Variants in TENM3 observed in about 807,000 individuals in gnomAD.
The protein encoded by TENM3 is teneurin transmembrane protein 3.
A neutral mutation model predicts 255.1 loss-of-function variants in TENM3; 63 were observed. That is an observed-to-expected ratio of 0.25 (90% CI 0.20 to 0.30). The LOEUF (loss-of-function observed/expected upper bound fraction) is 0.30, where lower values mean the gene tolerates loss of function less well. Ranked by LOEUF, TENM3 falls within the 10% of genes least tolerant of loss-of-function variation. The pLI is 1.00. For synonymous variants in TENM3, 1,306 were observed against 1,322.3 expected, an observed-to-expected ratio of 0.99 and a Z score of 0.27; for missense variants, 2,929 against 3,461.1, an observed-to-expected ratio of 0.85 and a Z score of 3.86.
intron 1 of TENM3, among the ~76,000 whole-genome samples, chr4:182,271,488 CA>C (rs1272516581): frequency 6.6e-6 from 1 of 152,110 alleles, no homozygotes; most frequent in African/African-American, 2.4e-5. Context: ...TCCAGTTGTG[CA>C]TTTCAATTCT....
chr4:181,565,741 G>A, the TENM3 span, among the ~76,000 whole-genome samples: 1 of 152,146 alleles, frequency 6.6e-6, no homozygotes, highest in African/African-American at 2.4e-5. Flanking sequence ...ATGATTTCAT[G>A]CTAGAGAATT....
Position 182,410,027 on chromosome 4 carries a change from G to A in TENM3, c.511+63098G>A, listed in dbSNP as rs564727842. Among the ~76,000 whole-genome samples, 27 of 152,000 alleles carry A rather than the reference G, an allele frequency of 1.8e-4. 1 individual carries two copies. The highest frequency in any genetic ancestry group is 4.2e-4 in the South Asian group (2 of 4,816). On this transcript the variant is annotated intron_variant, in intron 3 of 27. Transcript: ENST00000511685. ...TTTCTGGTAGAGAAGGGGTTTCACC[G>A]TGTTGCTCAGGCTGGTCTTGAACTC...
chr4:182,287,865 C>A (rs1561283235), intron 1 of TENM3, among the ~76,000 whole-genome samples: 1 of 152,182 alleles, frequency 6.6e-6, no homozygotes, highest in East Asian at 1.9e-4. Flanking sequence ...GATCCGCCCA[C>A]CTCACCCTCC....
chr4:181,572,084 C>T, the TENM3 span, among the ~76,000 whole-genome samples: 1 of 152,144 alleles, frequency 6.6e-6, no homozygotes, highest in Non-Finnish European at 1.5e-5. Flanking sequence ...ATAGATTAAC[C>T]ACTGTTCTGA....
chr4:182,701,886 T>C (rs1757906803), intron 12 of TENM3, among the ~76,000 whole-genome samples: 1 of 152,246 alleles, frequency 6.6e-6, no homozygotes, highest in Non-Finnish European at 1.5e-5. Context: ...TAGCAATATA[T>C]ATCCTGTCTG....
At chr4:182,634,146 C>T (rs1480036405) in intron 5 of TENM3, among the ~76,000 whole-genome samples, 2 of 152,168 alleles carry the variant, frequency 1.3e-5, no homozygotes, top group African/African-American at 4.8e-5. Context: ...TGTTCTGTTT[C>T]CACACTGTCC....
the TENM3 span, among the ~76,000 whole-genome samples, chr4:181,902,805 C>T: frequency 6.6e-6 from 1 of 151,978 alleles, no homozygotes; most frequent in Non-Finnish European, 1.5e-5. Context: ...AAGATAAATA[C>T]CTAATGGGTG....
chr4:181,855,365 G>T, the TENM3 span, among the ~76,000 whole-genome samples: 3 of 152,250 alleles, frequency 2.0e-5, no homozygotes, highest in East Asian at 5.8e-4. Context: ...TTTAAGATTG[G>T]CATGTACTTC....
At chr4:182,437,497 A>G (rs1020224725) in intron 3 of TENM3, among the ~76,000 whole-genome samples, 1 of 152,012 alleles carries the variant, frequency 6.6e-6, no homozygotes, top group African/African-American at 2.4e-5. Context: ...AAAAATACAA[A>G]AAAAATAGCT....
At chr4:182,752,146 C>T (rs1179106054) in intron 20 of TENM3, 114 bp downstream of exon 20, 2 of 681,846 alleles carry the variant, frequency 2.9e-6, no homozygotes, top group South Asian at 4.7e-5. Context: ...AACTTTTTAC[C>T]TTTGACAGTG....
chr4:182,674,611 C>T (rs893563795), intron 7 of TENM3, among the ~76,000 whole-genome samples: 13 of 151,998 alleles, frequency 8.6e-5, no homozygotes, highest in Non-Finnish European at 1.8e-4. Flanking sequence ...GGTCTCACTC[C>T]GTCTTCCAGG....
At chr4:182,093,335 C>T in the TENM3 span, among the ~76,000 whole-genome samples, 2 of 152,058 alleles carry the variant, frequency 1.3e-5, no homozygotes, top group Admixed American at 1.3e-4. Flanking sequence ...GTGGCAGGAG[C>T]AGTACAGTTT....
the TENM3 span, among the ~76,000 whole-genome samples, chr4:181,631,116 G>A: frequency 6.6e-6 from 1 of 152,072 alleles, no homozygotes; most frequent in Non-Finnish European, 1.5e-5. Context: ...CCCCCAGATT[G>A]TTGGCAGAGT....
the TENM3 span, among the ~76,000 whole-genome samples, chr4:181,769,466 T>C: frequency 5.3e-5 from 8 of 152,224 alleles, no homozygotes; most frequent in African/African-American, 1.9e-4. Context: ...TAATGGCTCC[T>C]CCTCATTGGG....
chr4:181,514,816 A>G, the TENM3 span, among the ~76,000 whole-genome samples: 1 of 152,224 alleles, frequency 6.6e-6, no homozygotes, highest in Non-Finnish European at 1.5e-5. Flanking sequence ...GAGGCGTGGT[A>G]GCCACTCGGG....
intron 6 of TENM3, among the ~76,000 whole-genome samples, chr4:182,667,852 G>C (rs1390829843): frequency 6.6e-6 from 1 of 151,926 alleles, no homozygotes; most frequent in African/African-American, 2.4e-5. Context: ...TAATGTAAAT[G>C]ATGAGTTAAT....
At chr4:181,560,409 T>A in the TENM3 span, among the ~76,000 whole-genome samples, 26,588 of 152,206 alleles carry the variant, frequency 0.17, 2,878 homozygotes, top group African/African-American at 0.28. Flanking sequence ...GGTATTGGGC[T>A]ACCATTCATT....
the TENM3 span, among the ~76,000 whole-genome samples, chr4:181,771,009 C>T: frequency 2.0e-5 from 3 of 152,264 alleles, no homozygotes; most frequent in Admixed American, 2.0e-4. Flanking sequence ...GAAACTTGGC[C>T]AAGACTGCAG....
intron 3 of TENM3, among the ~76,000 whole-genome samples, chr4:182,533,110 T>C (rs187714489): frequency 3.8e-4 from 58 of 152,356 alleles, no homozygotes; most frequent in Non-Finnish European, 6.0e-4. Flanking sequence ...AGGTAAACTT[T>C]CATGTGGGCA....
Sources: allele counts gnomAD v4.1 joint callset (sites outside exome capture counted in the v4.1 genomes callset), GRCh38; gene constraint gnomAD v4.1.1; transcripts MANE v1.5; gene names NCBI Gene and HGNC (gene_info 2026-07-23, HGNC 2026-07-21).